Variants in AAK1 observed in about 807,000 individuals in gnomAD.
AAK1 encodes AP2-associated protein kinase 1.
In AAK1, 37 loss-of-function variants were observed where a neutral mutation model predicts 116.0. That is an observed-to-expected ratio of 0.32 (90% CI 0.25 to 0.42). The LOEUF (loss-of-function observed/expected upper bound fraction) is 0.42, where lower values mean the gene tolerates loss of function less well. AAK1 is among the 10% of genes least tolerant of loss of function. AAK1 has a pLI of 1.00. For missense variants in AAK1, 919 were observed against 1,170.6 expected (o/e 0.79, Z 3.14); for synonymous variants, 458 against 439.9 (o/e 1.04, Z -0.51).
At chr2:69,536,833 T>C (rs1019826039) in intron 5 of AAK1, among the ~76,000 whole-genome samples, 2 of 152,220 alleles carry the variant, frequency 1.3e-5, no homozygotes, top group African/African-American at 4.8e-5. Context: ...ATTTGAAGGA[T>C]TAGATGAATG....
At chr2:69,535,238 A>G (rs1237740795) in intron 5 of AAK1, among the ~76,000 whole-genome samples, 1 of 152,204 alleles carries the variant, frequency 6.6e-6, no homozygotes, top group Non-Finnish European at 1.5e-5. Flanking sequence ...GTTTCACACA[A>G]AGGATAAATG....
intron 11 of AAK1, among the ~76,000 whole-genome samples, chr2:69,519,802 C>G (rs1030912874): frequency 6.6e-6 from 1 of 152,048 alleles, no homozygotes; most frequent in African/African-American, 2.4e-5. Context: ...TTAGATACTT[C>G]AAGAGACAAA....
In AAK1 at chr2:69,468,449, T is replaced by C. The variant is rs1168604333; in HGVS notation, c.*7420A>G. ...AGTATCAGTTGGACAAAGTTTTCAG[T>C]TGCCAAAACAAAAGCACAATTTCTC... On this transcript the variant is annotated 3_prime_UTR_variant, in exon 22 of 22. Transcript: ENST00000409085. 1.6e-5 allele frequency: 16 copies of C among 985,336 alleles called. No homozygotes were observed. 61.0% of individuals were successfully genotyped at this position (985,336 alleles called of 1,614,324 possible).
At chr2:69,621,205 C>T (rs748898190) in intron 2 of AAK1, among the ~76,000 whole-genome samples, 4 of 152,066 alleles carry the variant, frequency 2.6e-5, no homozygotes, top group Non-Finnish European at 4.4e-5. Flanking sequence ...ATTTTGGTTG[C>T]GCGTGGTGGC....
At chr2:69,610,050 C>CAA (rs760754177) in intron 2 of AAK1, among the ~76,000 whole-genome samples, 708 of 52,132 alleles carry the variant, frequency 0.014, 9 homozygotes, top group African/African-American at 0.039. Context: ...GACTCTGTCT[C>CAA]AAAAAAAAAA....
chr2:69,531,643 G>A, intron 6 of AAK1: 1 of 992,036 alleles, frequency 1.0e-6, no homozygotes, highest in South Asian at 4.6e-5. Context: ...GAAGAAAGGA[G>A]CAATTTAGGG....
chr2:69,598,911 C>T (rs572488068), intron 2 of AAK1: 2 of 370,382 alleles, frequency 5.4e-6, no homozygotes, highest in East Asian at 8.9e-5. Flanking sequence ...GAGATCATTA[C>T]TTTTTGATAG....
chr2:69,480,158 AT>A lies in AAK1; in HGVS notation c.2569+701del, dbSNP rs1033891677. Among the ~76,000 whole-genome samples the A allele has an allele frequency of 9.9e-4, 148 of 149,660 alleles. 1 individual carries two copies. The highest frequency in any genetic ancestry group is 1.8e-3 in the Non-Finnish European group (121 of 67,510). On this transcript the variant is annotated intron_variant, in intron 19 of 21. Coordinates refer to ENST00000409085, the MANE Select transcript of AAK1 (RefSeq NM_014911.5). ...ATAAATCATAATGTCTTTGGAGGTA[AT>A]TTTTTTTTCACCTGCATGAATTTAT...
chr2:69,544,731 G>T (rs1558949616), intron 3 of AAK1, among the ~76,000 whole-genome samples, 187 bp from the exon 4 acceptor site: 1 of 152,150 alleles, frequency 6.6e-6, no homozygotes, highest in Non-Finnish European at 1.5e-5. Context: ...ATCTTCAATA[G>T]CAATTCCATA....
At chr2:69,513,821 C>T (rs1258219705) in intron 13 of AAK1, among the ~76,000 whole-genome samples, 2 of 152,136 alleles carry the variant, frequency 1.3e-5, no homozygotes, top group Non-Finnish European at 2.9e-5. Flanking sequence ...ATGATGTGCC[C>T]GTGTGTGTTG....
At chr2:69,551,430 AT>A (rs747176092) in intron 3 of AAK1, among the ~76,000 whole-genome samples, 5 of 152,240 alleles carry the variant, frequency 3.3e-5, no homozygotes, top group Non-Finnish European at 7.3e-5. Flanking sequence ...TCTGTTCCAG[AT>A]TCTTGTCCCA....
At chr2:69,568,363 G>T (rs1311196332) in intron 2 of AAK1, among the ~76,000 whole-genome samples, 1 of 151,524 alleles carries the variant, frequency 6.6e-6, no homozygotes, top group Non-Finnish European at 1.5e-5. Context: ...GTGTAATGAT[G>T]TGAGTTTAGT....
rs1286868967 is a variant in AAK1, at chr2:69,529,387, T to G, written c.871+621A>C. ...TTAGCATTTTAGTATAGGGGCTTTG[T>G]GCAAATATTATTCTTTTTTTTTTCT... is the stretch of plus-strand genomic sequence containing the variant. On this transcript the variant is annotated intron_variant, in intron 8 of 21. Transcript: ENST00000409085. Among the ~76,000 whole-genome samples, 6 of 151,246 alleles carry G rather than the reference T, an allele frequency of 4.0e-5. No individual in the cohort carries two copies. In the East Asian group the frequency reaches 1.2e-3, roughly 29 times the overall value.
At chr2:69,494,091 G>A (rs1019851466) in intron 17 of AAK1, among the ~76,000 whole-genome samples, 1 of 152,176 alleles carries the variant, frequency 6.6e-6, no homozygotes, top group Non-Finnish European at 1.5e-5. Flanking sequence ...TGGTCTGACA[G>A]ATCAGAAAGT....
At position 69,643,055 on chromosome 2, in the gene AAK1, G is replaced by A. The variant is rs756738153; in HGVS notation, c.-15C>T. The A allele has an allele frequency of 3.7e-5, 58 of 1,564,314 alleles. No individual in the cohort carries two copies. The highest frequency in any genetic ancestry group is 1.1e-5 in the Non-Finnish European group (13 of 1,159,606). On this transcript the variant is annotated 5_prime_UTR_variant, in exon 2 of 22. Coordinates refer to ENST00000409085, the MANE Select transcript of AAK1 (RefSeq NM_014911.5). Reference sequence around the variant, plus strand: ...AACTTCTTCATCTTGCGAATAGGGAGCAGCAAAGCAAAATACCGATGGTTT... The same window carrying A: ...AACTTCTTCATCTTGCGAATAGGGAACAGCAAAGCAAAATACCGATGGTTT...
intron 2 of AAK1, among the ~76,000 whole-genome samples, chr2:69,618,462 G>A (rs1386165252): frequency 6.6e-6 from 1 of 152,072 alleles, no homozygotes; most frequent in Non-Finnish European, 1.5e-5. Context: ...TGCATCACTA[G>A]CCCTCTGATG....
intron 2 of AAK1, among the ~76,000 whole-genome samples, chr2:69,599,373 TCTGTG>T (rs1487592025): frequency 1.2e-4 from 16 of 135,438 alleles, no homozygotes; most frequent in African/African-American, 4.5e-4. Context: ...TATATATAGT[TCTGTG>T]TAAAAAAAAA....
In AAK1 at chr2:69,468,029, G is replaced by A. The variant is rs1024443357; in HGVS notation, c.*7840C>T. 5.1e-5 allele frequency: 50 copies of A among 985,210 alleles called. No individual in the cohort carries two copies. The highest frequency in any genetic ancestry group is 4.9e-4 in the Admixed American group (8 of 16,264). 61.0% of individuals were successfully genotyped at this position (985,210 alleles called of 1,614,324 possible). Reference sequence around the variant, plus strand: ...TTTTCCTTTCTAACAGTTTGAATGCGTTCAGTGAATTCCAGATTGGGGCGT... The same window carrying A: ...TTTTCCTTTCTAACAGTTTGAATGCATTCAGTGAATTCCAGATTGGGGCGT... On this transcript the variant is annotated 3_prime_UTR_variant, in exon 22 of 22. Coordinates refer to ENST00000409085, the MANE Select transcript of AAK1 (RefSeq NM_014911.5).
At chr2:69,598,931 A>C in intron 2 of AAK1, 1 of 420,552 alleles carries the variant, frequency 2.4e-6, no homozygotes, top group Middle Eastern at 3.9e-4. Flanking sequence ...GATTATGCTA[A>C]GGAACATCAC....
Sources: allele counts gnomAD v4.1 joint callset (sites outside exome capture counted in the v4.1 genomes callset), GRCh38; gene constraint gnomAD v4.1.1; transcripts MANE v1.5; gene names NCBI Gene and HGNC (gene_info 2026-07-23, HGNC 2026-07-21).